Variants in RNF24 observed in about 807,000 individuals in gnomAD.
RNF24 encodes the protein ring finger protein 24.
Under a neutral mutation model 20.0 loss-of-function variants are expected in RNF24, and 14 were observed. That is an observed-to-expected ratio of 0.70 (90% CI 0.46 to 1.10). The LOEUF (loss-of-function observed/expected upper bound fraction) is 1.10, where lower values mean the gene tolerates loss of function less well. Among genes scored for constraint, RNF24 ranks in the 50% least tolerant of loss-of-function variants. The probability of loss-of-function intolerance (pLI) is 0.00; values close to 1 mark genes in which losing one functional copy is unlikely to be tolerated. For missense variants in RNF24, 124 were observed against 177.6 expected (o/e 0.70, Z 1.71); for synonymous variants, 45 against 61.1 (o/e 0.74, Z 1.23).
rs1457629201 is a variant in RNF24, at chr20:3,928,237, T to C, written c.*5826A>G. On this transcript the variant is annotated 3_prime_UTR_variant, in exon 6 of 6. Coordinates refer to ENST00000358395, the MANE Select transcript of RNF24 (RefSeq NM_001134337.3). ...ACAAATGCCAGAAGAGTGGATGTGA[T>C]AGAGAATTTTTTCTCAAGTTTTGGG... The C allele has an allele frequency of 1.3e-5, 2 of 152,220 alleles. No individual in the cohort carries two copies. Among genetic ancestry groups the C allele is most frequent in the Non-Finnish European group, 2.9e-5 (2 of 68,056 alleles). The allele number at this position is 152,220 out of a possible 1,614,324, so 9.4% of individuals were successfully genotyped here.
At chr20:3,944,209 CAA>C (rs58334745) in intron 4 of RNF24, among the ~76,000 whole-genome samples, 4 of 109,896 alleles carry the variant, frequency 3.6e-5, no homozygotes, top group Admixed American at 1.1e-4. Flanking sequence ...GACCCCGTCT[CAA>C]AAAAAAAAAA....
chr20:3,948,214 C>A (rs369358778), intron 3 of RNF24, 23 bp downstream of exon 3: 38 of 1,562,072 alleles, frequency 2.4e-5, no homozygotes, highest in Non-Finnish European at 2.6e-5. Context: ...AAAATCAAAG[C>A]CAATCTGAAT....
intron 1 of RNF24, among the ~76,000 whole-genome samples, chr20:3,986,225 CTTTCCTCCTTCCTTCCT>C (rs956584435): frequency 1.3e-5 from 2 of 151,832 alleles, no homozygotes; most frequent in Non-Finnish European, 2.9e-5. Context: ...TCTTCCTTCC[CTTTCCTCCTTCCTTCCT>C]TTTCCTCCTT....
At chr20:3,974,035 T>C (rs1978630402) in intron 1 of RNF24, among the ~76,000 whole-genome samples, 1 of 151,786 alleles carries the variant, frequency 6.6e-6, no homozygotes, top group African/African-American at 2.4e-5. Context: ...GTAAGGTTTA[T>C]TCAAGAGATG....
intron 3 of RNF24, among the ~76,000 whole-genome samples, chr20:3,945,910 G>GA (rs949714250): frequency 8.5e-5 from 13 of 152,080 alleles, no homozygotes; most frequent in South Asian, 2.1e-4. Flanking sequence ...AAATTTGAGG[G>GA]AAAATCTCTA....
At position 3,957,190 on chromosome 20, in the gene RNF24, C is replaced by A. The variant is rs548687707; in HGVS notation, c.143+6685G>T. Among the ~76,000 whole-genome samples, 129 of 151,860 alleles carry A rather than the reference C, an allele frequency of 8.5e-4. 1 individual carries two copies. In the South Asian group the frequency reaches 0.025, roughly 30 times the overall value. ...GTACACGCCTGTAATCCCAGCTACT[C>A]GGGAGGCTGAGGCAGGAGAATTGCT... On this transcript the variant is annotated intron_variant, in intron 2 of 5. Coordinates refer to ENST00000358395, the MANE Select transcript of RNF24 (RefSeq NM_001134337.3).
rs2090858723 is a variant in RNF24 at position 3,933,996 on chromosome 20, A to G, written c.*67T>C. The G allele has an allele frequency of 2.9e-6, 4 of 1,383,746 alleles. No individual in the cohort carries two copies. The highest frequency in any genetic ancestry group is 5.7e-5 in the Admixed American group (2 of 34,978). 85.7% of individuals were successfully genotyped at this position (1,383,746 alleles called of 1,614,324 possible). A position where few individuals can be genotyped will look rare whatever the true frequency, so the allele number is the denominator to read the frequency against. ...CTAGGTAGAGAGCAGCCATACAGAC[A>G]CCACATGTGTTCCTCCTGGCTCCAC... On this transcript the variant is annotated 3_prime_UTR_variant, in exon 6 of 6. Coordinates refer to ENST00000358395, the MANE Select transcript of RNF24 (RefSeq NM_001134337.3).
intron 1 of RNF24, among the ~76,000 whole-genome samples, chr20:4,002,943 G>A (rs1341661254): frequency 1.3e-5 from 2 of 152,062 alleles, no homozygotes; most frequent in African/African-American, 4.8e-5. Flanking sequence ...GCTGCATTCT[G>A]AACTGAATGC....
At position 3,997,175 on chromosome 20, in the gene RNF24, G is replaced by A. The variant is rs1600709291; in HGVS notation, c.-8+18262C>T. Among the ~76,000 whole-genome samples the A allele has an allele frequency of 4.9e-5, 7 of 143,834 alleles. No individual in the cohort carries two copies. In the South Asian group the frequency reaches 8.7e-4, roughly 18 times the overall value. The allele number at this position is 143,834 out of a possible 152,430, so 94.4% of individuals were successfully genotyped here. A position where few individuals can be genotyped will look rare whatever the true frequency, so the allele number is the denominator to read the frequency against. On this transcript the variant is annotated intron_variant, in intron 1 of 5. Transcript: ENST00000358395. ...CAGGTGGCAGAGGTTGCAGTGAGCC[G>A]AGATCGCGCCACTGCACTCCAGCCT...
intron 4 of RNF24, among the ~76,000 whole-genome samples, chr20:3,939,555 A>G (rs1333164785): frequency 1.3e-5 from 2 of 152,220 alleles, no homozygotes; most frequent in Non-Finnish European, 2.9e-5. Flanking sequence ...ACTGATCTAT[A>G]TAGCTATCAA....
At chr20:4,014,243 C>T (rs1982694286) in intron 1 of RNF24, among the ~76,000 whole-genome samples, 1 of 152,284 alleles carries the variant, frequency 6.6e-6, no homozygotes, top group Middle Eastern at 3.4e-3. Flanking sequence ...CAATAAAACC[C>T]TCTGCCAAAG....
chr20:3,939,041 C>A (rs777944319), intron 4 of RNF24, among the ~76,000 whole-genome samples: 200 of 152,116 alleles, frequency 1.3e-3, no homozygotes, highest in South Asian at 2.5e-3. Flanking sequence ...GAGTGAGCCT[C>A]CATGGCTGGC....
At chr20:3,954,222 C>T (rs1189653479) in intron 2 of RNF24, among the ~76,000 whole-genome samples, 2 of 152,132 alleles carry the variant, frequency 1.3e-5, no homozygotes, top group South Asian at 4.1e-4. Flanking sequence ...CACCTGGTAC[C>T]CCATTCACTG....
chr20:3,938,970 C>A (rs917984176), intron 4 of RNF24, among the ~76,000 whole-genome samples: 1 of 152,016 alleles, frequency 6.6e-6, no homozygotes, highest in African/African-American at 2.4e-5. Flanking sequence ...CCAGGCTGGT[C>A]TCAAACTCCT....
At chr20:3,998,045 C>A (rs1981032205) in intron 1 of RNF24, among the ~76,000 whole-genome samples, 1 of 152,182 alleles carries the variant, frequency 6.6e-6, no homozygotes, top group Non-Finnish European at 1.5e-5. Context: ...AAGGGTTGCA[C>A]TTCTAAGTAT....
intron 2 of RNF24, among the ~76,000 whole-genome samples, chr20:3,962,931 C>A (rs891218421): frequency 1.3e-5 from 2 of 151,974 alleles, no homozygotes; most frequent in African/African-American, 4.8e-5. Flanking sequence ...GAACTCCCGA[C>A]CTCAGGTAAT....
At chr20:3,968,233 C>T (rs1333451567) in intron 1 of RNF24, among the ~76,000 whole-genome samples, 1 of 151,636 alleles carries the variant, frequency 6.6e-6, no homozygotes, top group East Asian at 1.9e-4. Context: ...ACCTGGGAGG[C>T]AGAGGTTGCA....
chr20:3,985,607 C>T (rs17287577), intron 1 of RNF24, among the ~76,000 whole-genome samples: 17,694 of 151,922 alleles, frequency 0.12, 1,386 homozygotes, highest in Non-Finnish European at 0.17. Context: ...CTTTGTTTAC[C>T]GTAATTGAAG....
intron 1 of RNF24, among the ~76,000 whole-genome samples, chr20:4,010,923 A>G (rs1306370426): frequency 6.6e-6 from 1 of 152,212 alleles, no homozygotes; most frequent in African/African-American, 2.4e-5. Context: ...CACAGGTTCA[A>G]GAGGAGGAAA....
Sources: gnomAD v4.1 joint callset for allele counts (sites outside exome capture counted in the v4.1 genomes callset) on GRCh38, gnomAD v4.1.1 for gene constraint, MANE v1.5 for transcripts, NCBI Gene and HGNC (gene_info 2026-07-23, HGNC 2026-07-21) for gene names.